PDE3A: variants seen among roughly 807,000 people sequenced by gnomAD.
The protein encoded by PDE3A is phosphodiesterase 3A.
In PDE3A, 43 loss-of-function variants were observed where a neutral mutation model predicts 98.3. The ratio of observed to expected loss-of-function variants is 0.44; its 90% CI spans 0.34 to 0.56. The LOEUF (loss-of-function observed/expected upper bound fraction) is 0.56, where lower values mean the gene tolerates loss of function less well. PDE3A is among the 20% of genes least tolerant of loss of function. The pLI, the probability that PDE3A is intolerant of heterozygous loss-of-function variation, is 0.01. For missense variants in PDE3A, 1,427 were observed against 1,440.7 expected (o/e 0.99, Z 0.15); for synonymous variants, 663 against 567.9 (o/e 1.17, Z -2.38).
At chr12:20,566,571 A>G (rs190449037) in intron 2 of PDE3A, among the ~76,000 whole-genome samples, 1 of 151,882 alleles carries the variant, frequency 6.6e-6, no homozygotes, top group African/African-American at 2.4e-5. Flanking sequence ...GGGTGAGACA[A>G]ACAGATGGAG....
chr12:20,621,282 T>A lies in PDE3A; in HGVS notation c.1425-14T>A, dbSNP rs369714365. The A allele has an allele frequency of 2.2e-5, 31 of 1,378,302 alleles. No individual in the cohort carries two copies. Among genetic ancestry groups the A allele is most frequent in the Non-Finnish European group, 3.2e-5 (31 of 965,876 alleles). 85.4% of individuals were successfully genotyped at this position (1,378,302 alleles called of 1,614,324 possible). A position where few individuals can be genotyped will look rare whatever the true frequency, so the allele number is the denominator to read the frequency against. On this transcript the variant is annotated splice_polypyrimidine_tract_variant and intron_variant, in intron 4 of 15. Coordinates refer to ENST00000359062, the MANE Select transcript of PDE3A (RefSeq NM_000921.5). ...TTTAATTTTCTTTTAATTCTGTCTTTCTGGTGCTTTTAGTCCTGATTCTTG... is the reference window on the plus strand; with the variant it reads ...TTTAATTTTCTTTTAATTCTGTCTTACTGGTGCTTTTAGTCCTGATTCTTG...
intron 1 of PDE3A, among the ~76,000 whole-genome samples, chr12:20,400,569 T>G (rs1046814801): frequency 1.2e-4 from 18 of 151,612 alleles, no homozygotes; most frequent in Admixed American, 9.2e-4. Context: ...ACTGCGCCCG[T>G]GACCGCACCC....
At chr12:20,390,253 G>A (rs918172813) in intron 1 of PDE3A, among the ~76,000 whole-genome samples, 26 of 151,786 alleles carry the variant, frequency 1.7e-4, no homozygotes, top group African/African-American at 5.8e-4. Flanking sequence ...TTAGGTTGAG[G>A]AATTTGATAT....
intron 2 of PDE3A, among the ~76,000 whole-genome samples, chr12:20,603,895 G>T (rs1943652299): frequency 6.6e-6 from 1 of 152,160 alleles, no homozygotes; most frequent in Non-Finnish European, 1.5e-5. Context: ...AATGAGCCAG[G>T]CATGGTGGCT....
chr12:20,673,713 G>A (rs373958165), intron 15 of PDE3A, among the ~76,000 whole-genome samples: 1 of 117,524 alleles, frequency 8.5e-6, no homozygotes, highest in African/African-American at 3.2e-5. Flanking sequence ...TGGGGGGAGG[G>A]GGGAGGGATA....
chr12:20,429,488 G>A (rs994279927), intron 1 of PDE3A, among the ~76,000 whole-genome samples: 2 of 152,154 alleles, frequency 1.3e-5, no homozygotes, highest in Non-Finnish European at 2.9e-5. Context: ...GTTTAGTTGT[G>A]AATATTGCAT....
At chr12:20,554,197 A>T (rs1292935382) in intron 1 of PDE3A, among the ~76,000 whole-genome samples, 2 of 151,558 alleles carry the variant, frequency 1.3e-5, no homozygotes, top group African/African-American at 4.8e-5. Context: ...ACATACCTGC[A>T]GACAAACTGG....
At chr12:20,522,877 C>T (rs1384854652) in intron 1 of PDE3A, among the ~76,000 whole-genome samples, 1 of 151,930 alleles carries the variant, frequency 6.6e-6, no homozygotes, top group African/African-American at 2.4e-5. Flanking sequence ...TTCAAAAGCT[C>T]ATTAGCCATG....
intron 2 of PDE3A, among the ~76,000 whole-genome samples, chr12:20,610,619 TC>T (rs1330764211): frequency 6.6e-6 from 1 of 151,996 alleles, no homozygotes. Flanking sequence ...ACCATAAGCA[TC>T]TGTCCATGAA....
At chr12:20,649,992 ATAAT>A (rs945614811) in intron 13 of PDE3A, among the ~76,000 whole-genome samples, 1 of 152,158 alleles carries the variant, frequency 6.6e-6, no homozygotes, top group African/African-American at 2.4e-5. Context: ...TGCTAATTCA[ATAAT>A]TAATGATTTT....
intron 2 of PDE3A, among the ~76,000 whole-genome samples, chr12:20,571,613 T>C (rs931563208): frequency 1.3e-5 from 2 of 152,140 alleles, no homozygotes; most frequent in Non-Finnish European, 2.9e-5. Flanking sequence ...GTATCTTACC[T>C]CTCTGTCTAA....
chr12:20,668,446 CCTGT>C, intron 15 of PDE3A, among the ~76,000 whole-genome samples: 1 of 152,084 alleles, frequency 6.6e-6, no homozygotes, highest in South Asian at 2.1e-4. Context: ...CTTAAATGTC[CCTGT>C]CTGACAGCTT....
chr12:20,505,112 T>C (rs983322300), intron 1 of PDE3A, among the ~76,000 whole-genome samples: 1 of 152,088 alleles, frequency 6.6e-6, no homozygotes, highest in African/African-American at 2.4e-5. Flanking sequence ...CTCCATTCTT[T>C]TAAGTTTAGA....
Position 20,646,479 on chromosome 12 carries a change from A to G in PDE3A, c.2252-11A>G. 1 of 1,426,422 alleles carries G rather than the reference A, an allele frequency of 7.0e-7. No individual in the cohort carries two copies. The highest frequency in any genetic ancestry group is 2.3e-5 in the East Asian group (1 of 43,940). The allele number at this position is 1,426,422 out of a possible 1,614,324, so 88.4% of individuals were successfully genotyped here. ...CATAAACTGATGACTGTTCCTGTTC[A>G]CTGGTTACAGATCATAACAGAATCC... On this transcript the variant is annotated splice_polypyrimidine_tract_variant and intron_variant, in intron 10 of 15. Transcript: ENST00000359062.
intron 1 of PDE3A, among the ~76,000 whole-genome samples, chr12:20,478,656 A>G (rs1020610533): frequency 1.3e-5 from 2 of 152,216 alleles, no homozygotes; most frequent in African/African-American, 2.4e-5. Context: ...TTTCCAGGAA[A>G]TAATGCTTTT....
At chr12:20,407,551 A>G (rs978967463) in intron 1 of PDE3A, among the ~76,000 whole-genome samples, 1 of 152,180 alleles carries the variant, frequency 6.6e-6, no homozygotes, top group Non-Finnish European at 1.5e-5. Context: ...CTGATTACCA[A>G]GTTCCCAGAG....
chr12:20,525,469 G>T (rs957514838), intron 1 of PDE3A, among the ~76,000 whole-genome samples: 2 of 118,350 alleles, frequency 1.7e-5, no homozygotes, highest in South Asian at 2.7e-4. Context: ...GATTTGGTTG[G>T]GGGGGGGGGC....
intron 1 of PDE3A, among the ~76,000 whole-genome samples, chr12:20,505,900 G>T (rs758909294): frequency 6.6e-6 from 1 of 152,048 alleles, no homozygotes; most frequent in Non-Finnish European, 1.5e-5. Context: ...TACTCTGGTT[G>T]TATAAGGTGA....
At chr12:20,612,637 T>TTATATAAGTAACTATATAAAGTAA (rs1943890064) in intron 2 of PDE3A, among the ~76,000 whole-genome samples, 1 of 113,234 alleles carries the variant, frequency 8.8e-6, no homozygotes, top group African/African-American at 3.2e-5. Flanking sequence ...ATATAGTTAC[T>TTATATAAGTAACTATATAAAGTAA]TATATAAGTA....
Sources: allele counts gnomAD v4.1 joint callset (sites outside exome capture counted in the v4.1 genomes callset), GRCh38; gene constraint gnomAD v4.1.1; transcripts MANE v1.5; gene names NCBI Gene and HGNC (gene_info 2026-07-23, HGNC 2026-07-21).